Variants in TGFBR2 observed in about 807,000 individuals in gnomAD.
The protein encoded by TGFBR2 is TGF-beta receptor type-2.
In TGFBR2, 18 loss-of-function variants were observed where a neutral mutation model predicts 49.0. The ratio of observed to expected loss-of-function variants is 0.37; its 90% CI spans 0.25 to 0.54. The LOEUF (loss-of-function observed/expected upper bound fraction) is 0.54. TGFBR2 is among the 20% of genes least tolerant of loss of function. TGFBR2 has a pLI of 0.85. For missense variants in TGFBR2, 525 were observed against 722.6 expected (o/e 0.73, Z 3.13); for synonymous variants, 282 against 275.9 (o/e 1.02, Z -0.22).
chr3:30,621,733 C>T (rs927983640), intron 1 of TGFBR2, among the ~76,000 whole-genome samples: 5 of 152,296 alleles, frequency 3.3e-5, no homozygotes, highest in South Asian at 2.1e-4. Context: ...TTGGTGAGGA[C>T]GTTTGTGGTA....
chr3:30,626,516 A>T (rs1344936594), intron 1 of TGFBR2: 2 of 152,312 alleles, frequency 1.3e-5, no homozygotes, highest in African/African-American at 2.4e-5. Context: ...TGTTAGCCCC[A>T]GGGCCATGCT....
intron 1 of TGFBR2, among the ~76,000 whole-genome samples, chr3:30,610,198 G>A (rs951128261): frequency 1.4e-4 from 21 of 152,278 alleles, no homozygotes; most frequent in Admixed American, 5.9e-4. Context: ...CCTGGTCTTT[G>A]CCATTGAATT....
rs532462418 is a variant in TGFBR2, at chr3:30,607,270, A to C, written c.94+293A>C. 4.6e-5 allele frequency among the ~76,000 whole-genome samples: 7 copies of C among 152,274 alleles called. No homozygotes were observed. The South Asian group carries it at 1.5e-3, about 32-fold the overall frequency. ...GTTCGAGGCGAGCCCCCACCCCCGG[A>C]AAGGGAAGTTTGAGAAGTTGGTTAT... On this transcript the variant is annotated intron_variant, in intron 1 of 6. Transcript: ENST00000295754.
chr3:30,630,084 A>T (rs553426846), intron 1 of TGFBR2, among the ~76,000 whole-genome samples: 1 of 152,198 alleles, frequency 6.6e-6, no homozygotes, highest in Non-Finnish European at 1.5e-5. Context: ...CATCACAAGA[A>T]ATTGAGCGAG....
At chr3:30,631,569 C>T (rs970534490) in intron 1 of TGFBR2, among the ~76,000 whole-genome samples, 1 of 151,298 alleles carries the variant, frequency 6.6e-6, no homozygotes, top group African/African-American at 2.4e-5. Flanking sequence ...TTTCAAATTT[C>T]CTGCCCTTTG....
chr3:30,667,838 TG>T (rs756043416), intron 3 of TGFBR2, among the ~76,000 whole-genome samples: 121 of 152,318 alleles, frequency 7.9e-4, no homozygotes, highest in Non-Finnish European at 1.5e-3. Context: ...TTCTCATATG[TG>T]AAAAAAAATT....
At chr3:30,649,845 A>C (rs1225003383) in intron 2 of TGFBR2, among the ~76,000 whole-genome samples, 1 of 152,212 alleles carries the variant, frequency 6.6e-6, no homozygotes, top group Non-Finnish European at 1.5e-5. Context: ...AGATTTTGCC[A>C]CTTAAACTAG....
At chr3:30,650,217 T>C (rs2125409611) in intron 2 of TGFBR2, 53 bp from the exon 3 acceptor site, 1 of 1,564,842 alleles carries the variant, frequency 6.4e-7, no homozygotes, top group Admixed American at 1.7e-5. Context: ...ATTCATTTAT[T>C]CTCTTTCTCT....
intron 6 of TGFBR2, among the ~76,000 whole-genome samples, chr3:30,688,993 G>T (rs969906199): frequency 1.3e-5 from 2 of 152,212 alleles, no homozygotes; most frequent in Non-Finnish European, 2.9e-5. Flanking sequence ...TTTGCAGGCT[G>T]TGCTCACAGA....
chr3:30,638,148 CG>C (rs747431973), intron 1 of TGFBR2, among the ~76,000 whole-genome samples: 5 of 152,086 alleles, frequency 3.3e-5, no homozygotes, highest in Non-Finnish European at 5.9e-5. Context: ...TTTAAAGTAG[CG>C]TTTTTTTAAC....
Position 30,694,050 on chromosome 3 carries a change from T to G in TGFBR2, c.*2451T>G, listed in dbSNP as rs1699756324. 1 of 230,534 alleles carries G rather than the reference T, an allele frequency of 4.3e-6. No individual in the cohort carries two copies. The highest frequency in any genetic ancestry group is 2.2e-5 in the African/African-American group (1 of 45,158). 14.3% of individuals were successfully genotyped at this position (230,534 alleles called of 1,614,324 possible). On this transcript the variant is annotated 3_prime_UTR_variant, in exon 7 of 7. Transcript: ENST00000295754. ...ACTTATTTTTATTCTATGCATTGTT[T>G]GTCTTTTACATAAATAAAATGTTTA...
chr3:30,634,634 C>G (rs1369185294), intron 1 of TGFBR2, among the ~76,000 whole-genome samples: 1 of 152,218 alleles, frequency 6.6e-6, no homozygotes, highest in East Asian at 1.9e-4. Flanking sequence ...GTATCATTAT[C>G]TTGCCTCTAT....
At chr3:30,656,394 A>T (rs1698999487) in intron 3 of TGFBR2, among the ~76,000 whole-genome samples, 1 of 152,176 alleles carries the variant, frequency 6.6e-6, no homozygotes, top group African/African-American at 2.4e-5. Flanking sequence ...TATCTGTGGG[A>T]CTATCCCTTA....
At chr3:30,687,107 C>T (rs1699635877) in intron 5 of TGFBR2, among the ~76,000 whole-genome samples, 1 of 152,226 alleles carries the variant, frequency 6.6e-6, no homozygotes, top group East Asian at 1.9e-4. Flanking sequence ...ACGAATAGAG[C>T]CCTGCCCAGG....
intron 1 of TGFBR2, among the ~76,000 whole-genome samples, chr3:30,633,562 C>T (rs12491780): frequency 0.21 from 32,535 of 152,016 alleles, 3,886 homozygotes; most frequent in East Asian, 0.28. Flanking sequence ...CAGGTGGCCA[C>T]AGGGGCCTGG....
At chr3:30,674,054 A>G in intron 4 of TGFBR2, 51 bp from the exon 5 acceptor site, 1 of 1,613,762 alleles carries the variant, frequency 6.2e-7, no homozygotes, top group Non-Finnish European at 8.5e-7. Flanking sequence ...TGTGAAAATA[A>G]AAAGGCAGCT....
At position 30,691,909 on chromosome 3, in the gene TGFBR2, T is replaced by TTATATATATA. The variant is rs4016180; in HGVS notation, c.*320_*329dup. Reference sequence around the variant, plus strand: ...GTATATAAATATGAATAGCTATGTTTTATATATATATATATATATCTATAT... The same window carrying TTATATATATA: ...GTATATAAATATGAATAGCTATGTTTTATATATATATATATATATATATATATATCTATAT... On this transcript the variant is annotated 3_prime_UTR_variant, in exon 7 of 7. Transcript: ENST00000295754. 4.2e-6 allele frequency: 1 copy of TTATATATATA among 238,796 alleles called. No individual in the cohort carries two copies. The highest frequency in any genetic ancestry group is 2.3e-5 in the African/African-American group (1 of 43,678). 14.8% of individuals were successfully genotyped at this position (238,796 alleles called of 1,614,324 possible). A position where few individuals can be genotyped will look rare whatever the true frequency, so the allele number is the denominator to read the frequency against.
chr3:30,611,122 T>G (rs1698020938), intron 1 of TGFBR2, among the ~76,000 whole-genome samples: 1 of 152,220 alleles, frequency 6.6e-6, no homozygotes, highest in Non-Finnish European at 1.5e-5. Context: ...TACGTAACTC[T>G]CTTGCCCATT....
At chr3:30,662,415 CTG>C (rs578180262) in intron 3 of TGFBR2, among the ~76,000 whole-genome samples, 9 of 152,268 alleles carry the variant, frequency 5.9e-5, no homozygotes, top group Admixed American at 2.6e-4. Flanking sequence ...ACAAAGGAGA[CTG>C]TGCCATGGGA....
Sources: allele counts gnomAD v4.1 joint callset (sites outside exome capture counted in the v4.1 genomes callset), GRCh38; gene constraint gnomAD v4.1.1; transcripts MANE v1.5; gene names NCBI Gene and HGNC (gene_info 2026-07-23, HGNC 2026-07-21).